The following FBXW7 variants were observed in gnomAD, a reference collection of about 807,000 sequenced individuals.
The protein encoded by FBXW7 is F-box/WD repeat-containing protein 7.
FBXW7 carries 11 observed loss-of-function variants against 86.3 expected under a neutral mutation model. The observed-to-expected ratio is 0.13, with a 90% confidence interval of 0.08 to 0.21. The LOEUF is 0.21. Ranked by LOEUF, FBXW7 falls within the 10% of genes least tolerant of loss-of-function variation. The pLI is 1.00. For synonymous variants in FBXW7, 313 were observed against 297.9 expected (o/e 1.05, Z -0.52); for missense variants, 488 against 847.4 (o/e 0.58, Z 5.27).
intron 2 of FBXW7, among the ~76,000 whole-genome samples, chr4:152,503,021 G>A (rs751477591): frequency 2.0e-5 from 3 of 152,020 alleles, no homozygotes; most frequent in Admixed American, 6.6e-5. Context: ...AAATTCTTGC[G>A]CCAAAAGAAA....
intron 4 of FBXW7, among the ~76,000 whole-genome samples, chr4:152,400,988 G>C (rs1011898094): frequency 2.0e-5 from 3 of 152,130 alleles, no homozygotes; most frequent in African/African-American, 7.2e-5. Flanking sequence ...TGGTAACAAA[G>C]AGATACCATA....
At chr4:152,473,440 C>T (rs866414943) in intron 2 of FBXW7, among the ~76,000 whole-genome samples, 5 of 152,232 alleles carry the variant, frequency 3.3e-5, no homozygotes, top group Middle Eastern at 3.4e-3. Flanking sequence ...CTTAGAAAAT[C>T]TTACATTTTT....
chr4:152,396,473 G>A (rs1421424326), intron 4 of FBXW7, among the ~76,000 whole-genome samples: 1 of 151,968 alleles, frequency 6.6e-6, no homozygotes, highest in East Asian at 1.9e-4. Flanking sequence ...ACTGTTAAAT[G>A]AATCAAGTTT....
chr4:152,469,337 G>T (rs1272102023), intron 2 of FBXW7, among the ~76,000 whole-genome samples: 1 of 151,976 alleles, frequency 6.6e-6, no homozygotes, highest in African/African-American at 2.4e-5. Flanking sequence ...TGTAGTTGAA[G>T]TAAAATACAT....
chr4:152,428,644 A>G (rs1226934428), intron 2 of FBXW7, among the ~76,000 whole-genome samples: 1 of 152,202 alleles, frequency 6.6e-6, no homozygotes, highest in East Asian at 1.9e-4. Context: ...TGAAATCACA[A>G]TTCATAGGTA....
intron 4 of FBXW7, among the ~76,000 whole-genome samples, chr4:152,392,279 T>C (rs1736057587): frequency 1.3e-5 from 2 of 151,944 alleles, no homozygotes; most frequent in South Asian, 2.1e-4. Flanking sequence ...TTAGAGATAG[T>C]AAAAATGGTA....
At chr4:152,409,003 G>C (rs1737690054) in intron 4 of FBXW7, among the ~76,000 whole-genome samples, 1 of 152,140 alleles carries the variant, frequency 6.6e-6, no homozygotes, top group Non-Finnish European at 1.5e-5. Context: ...CAAACCTTTA[G>C]TGACAAGGGG....
At chr4:152,333,389 C>T (rs1374342749) in intron 7 of FBXW7, among the ~76,000 whole-genome samples, 2 of 151,330 alleles carry the variant, frequency 1.3e-5, no homozygotes, top group Non-Finnish European at 2.9e-5. Context: ...TTTGGTATAC[C>T]ACTGATTTAA....
At chr4:152,528,286 A>G (rs1443944903) in intron 2 of FBXW7, among the ~76,000 whole-genome samples, 1 of 152,240 alleles carries the variant, frequency 6.6e-6, no homozygotes, top group African/African-American at 2.4e-5. Context: ...GCATAGCAAC[A>G]GAAACTGCAC....
In FBXW7 at chr4:152,447,897, T is replaced by C. The variant is rs538386603; in HGVS notation, c.-119-35368A>G. Among the ~76,000 whole-genome samples, 29 of 152,310 alleles carry C rather than the reference T, an allele frequency of 1.9e-4. No homozygotes were observed. In the South Asian group the frequency reaches 5.4e-3, roughly 28 times the overall value. On this transcript the variant is annotated intron_variant, in intron 2 of 13. Transcript: ENST00000281708. Reference sequence around the variant, plus strand: ...TTAGATAACACAGCATAGTTACCAATAACTCTCATATTTTAGAGATATGCT... The same window carrying C: ...TTAGATAACACAGCATAGTTACCAACAACTCTCATATTTTAGAGATATGCT...
chr4:152,463,635 T>A (rs933177161), intron 2 of FBXW7, among the ~76,000 whole-genome samples: 22 of 152,178 alleles, frequency 1.4e-4, no homozygotes, highest in African/African-American at 5.3e-4. Flanking sequence ...TCCAACCATA[T>A]AGCAAGCATT....
At position 152,329,813 on chromosome 4, in the gene FBXW7, T is replaced by C. The variant is rs187946218; in HGVS notation, c.1123-28A>G. ...ATAAGAAAGATGTGCAGATTAGAAA[T>C]ATGTTAATTAAATTATGTTCTTTAA... On this transcript the variant is annotated intron_variant, in intron 9 of 13. Transcript: ENST00000281708. 712 of 1,283,840 alleles carry C rather than the reference T, an allele frequency of 5.5e-4. 1 individual carries two copies. Among genetic ancestry groups the C allele is most frequent in the Non-Finnish European group, 7.2e-4 (683 of 942,260 alleles). 79.5% of individuals were successfully genotyped at this position (1,283,840 alleles called of 1,614,324 possible).
At chr4:152,503,366 G>A (rs1319190615) in intron 2 of FBXW7, among the ~76,000 whole-genome samples, 1 of 151,994 alleles carries the variant, frequency 6.6e-6, no homozygotes, top group Non-Finnish European at 1.5e-5. Flanking sequence ...CACCTCCCAG[G>A]TTCAAGTGAT....
At chr4:152,326,300 A>G (rs561543795) in intron 11 of FBXW7, 69 bp from the exon 12 acceptor site, 13 of 1,213,896 alleles carry the variant, frequency 1.1e-5, no homozygotes, top group South Asian at 5.5e-5. Flanking sequence ...TAATAATATG[A>G]GAAAACATGG....
At chr4:152,370,171 C>T (rs779636162) in intron 4 of FBXW7, among the ~76,000 whole-genome samples, 1 of 151,942 alleles carries the variant, frequency 6.6e-6, no homozygotes, top group Non-Finnish European at 1.5e-5. Flanking sequence ...GCTGTTTAAG[C>T]TGAAATTGTT....
At chr4:152,497,276 C>G (rs141257241) in intron 2 of FBXW7, among the ~76,000 whole-genome samples, 13 of 139,160 alleles carry the variant, frequency 9.3e-5, no homozygotes, top group Non-Finnish European at 2.0e-4. Context: ...GAGCCAAGAT[C>G]GCACCACTGC....
intron 2 of FBXW7, among the ~76,000 whole-genome samples, chr4:152,453,451 A>C (rs1742097543): frequency 6.6e-6 from 1 of 152,118 alleles, no homozygotes; most frequent in Admixed American, 6.6e-5. Context: ...TCAAATATTT[A>C]CTCAGCACCT....
At chr4:152,504,039 C>T (rs1202658232) in intron 2 of FBXW7, among the ~76,000 whole-genome samples, 1 of 152,198 alleles carries the variant, frequency 6.6e-6, no homozygotes, top group Non-Finnish European at 1.5e-5. Context: ...CTAATGTCAA[C>T]TCTGATTTTA....
rs1055321644 is a variant in FBXW7, at chr4:152,418,870, T to C, written c.-119-6341A>G. ...TCTCATGCTTGACCTGGAATTGATATGTGCAGTAAGAAACAAGGACAAAAA... is the reference window on the plus strand; with the variant it reads ...TCTCATGCTTGACCTGGAATTGATACGTGCAGTAAGAAACAAGGACAAAAA... On this transcript the variant is annotated intron_variant, in intron 2 of 13. Coordinates refer to ENST00000281708, the MANE Select transcript of FBXW7 (RefSeq NM_001349798.2). 2.2e-4 allele frequency among the ~76,000 whole-genome samples: 34 copies of C among 152,260 alleles called. 1 individual carries two copies. Among genetic ancestry groups the C allele is most frequent in the African/African-American group, 7.7e-4 (32 of 41,552 alleles).
Sources: gnomAD v4.1 joint callset for allele counts (sites outside exome capture counted in the v4.1 genomes callset) on GRCh38, gnomAD v4.1.1 for gene constraint, MANE v1.5 for transcripts, NCBI Gene and HGNC (gene_info 2026-07-23, HGNC 2026-07-21) for gene names.